TXNDC12: variants seen among roughly 807,000 people sequenced by gnomAD.
The protein encoded by TXNDC12 is thioredoxin domain-containing protein 12.
Under a neutral mutation model 24.2 loss-of-function variants are expected in TXNDC12, and 22 were observed. The ratio of observed to expected loss-of-function variants is 0.91; its 90% CI spans 0.65 to 1.30. TXNDC12 has a LOEUF of 1.30. Among genes scored for constraint, TXNDC12 ranks in the 50% most tolerant of loss-of-function variants. The pLI, the probability that TXNDC12 is intolerant of heterozygous loss-of-function variation, is 0.00. For missense variants in TXNDC12, 184 were observed against 205.8 expected (o/e 0.89, Z 0.65); for synonymous variants, 58 against 73.4 (o/e 0.79, Z 1.07).
At chr1:52,053,230 T>C (rs1686254060) in intron 1 of TXNDC12, among the ~76,000 whole-genome samples, 2 of 151,534 alleles carry the variant, frequency 1.3e-5, no homozygotes, top group African/African-American at 4.9e-5. Context: ...ACCACTCCAC[T>C]CCAGCCTGGC....
intron 4 of TXNDC12, among the ~76,000 whole-genome samples, chr1:52,026,110 T>A (rs898295912): frequency 6.6e-6 from 1 of 152,212 alleles, no homozygotes; most frequent in African/African-American, 2.4e-5. Context: ...ATTACAGGCA[T>A]GAGCCACCAT....
At chr1:52,050,049 T>TGGCAG (rs1351528247) in intron 1 of TXNDC12, among the ~76,000 whole-genome samples, 1 of 152,202 alleles carries the variant, frequency 6.6e-6, no homozygotes, top group Admixed American at 6.5e-5. Flanking sequence ...TGCCACTAAG[T>TGGCAG]GGCAGAGCTG....
At chr1:52,046,866 A>AAT (rs869028968) in intron 1 of TXNDC12, among the ~76,000 whole-genome samples, 37 of 30,166 alleles carry the variant, frequency 1.2e-3, no homozygotes, top group Admixed American at 1.9e-3. Context: ...AAAAAAAAAA[A>AAT]ATATATATAT....
intron 1 of TXNDC12, among the ~76,000 whole-genome samples, chr1:52,045,113 T>A (rs895113578): frequency 6.6e-6 from 1 of 152,086 alleles, no homozygotes; most frequent in Non-Finnish European, 1.5e-5. Context: ...CGAAAAGACA[T>A]TGAAGAACCT....
At chr1:52,037,316 A>C (rs1303483071) in intron 2 of TXNDC12, among the ~76,000 whole-genome samples, 2 of 150,940 alleles carry the variant, frequency 1.3e-5, no homozygotes, top group South Asian at 4.2e-4. Flanking sequence ...AGGTTCAAGC[A>C]ATTCTCCTGC....
intron 2 of TXNDC12, 78 bp downstream of exon 2, chr1:52,041,459 C>T: frequency 1.0e-6 from 1 of 991,170 alleles, no homozygotes; most frequent in East Asian, 2.4e-5. Flanking sequence ...TGGTATAGCC[C>T]TTCACCTGAA....
At chr1:52,026,417 T>C (rs1685672445) in intron 4 of TXNDC12, among the ~76,000 whole-genome samples, 1 of 152,166 alleles carries the variant, frequency 6.6e-6, no homozygotes, top group Admixed American at 6.5e-5. Flanking sequence ...CTATATGAGG[T>C]ATGTAAAAGC....
chr1:52,048,948 G>A (rs768297053), intron 1 of TXNDC12, among the ~76,000 whole-genome samples: 2 of 152,106 alleles, frequency 1.3e-5, no homozygotes. Context: ...AATCACGTAA[G>A]GTTATTACTA....
Position 52,055,064 on chromosome 1 carries a change from AC to A in TXNDC12, c.32del (p.Cys11PhefsTer47). METRPRLGATCLLGFSFLLLV... is the reference protein window; with the variant it reads METRPRLGATXLLGFSFLLLV... ...GGAGCAGGAAACTGAAGCCCAGCAA[AC>A]AGGTGGCCCCGAGACGAGGCCGCGT... is the stretch of plus-strand genomic sequence containing the variant. On this transcript the variant is annotated frameshift_variant, in exon 1 of 7. Transcript: ENST00000371626. LOFTEE classifies it high-confidence loss of function. 1.2e-6 allele frequency: 2 copies of A among 1,614,086 alleles called. No individual in the cohort carries two copies. The highest frequency in any genetic ancestry group is 1.7e-6 in the Non-Finnish European group (2 of 1,179,960).
chr1:52,023,447 G>T, intron 6 of TXNDC12, 44 bp downstream of exon 6: 1 of 1,503,186 alleles, frequency 6.7e-7, no homozygotes. Context: ...GTTCATCCTA[G>T]TTCAATCTAG....
At chr1:52,033,549 A>C (rs755736294) in intron 2 of TXNDC12, 1 of 1,613,874 alleles carries the variant, frequency 6.2e-7, no homozygotes, top group Non-Finnish European at 8.5e-7. Context: ...CGTCGTGGCG[A>C]CTCAGGCGCC....
chr1:52,024,771 T>C, intron 4 of TXNDC12, 192 bp from the exon 5 acceptor site: 1 of 525,302 alleles, frequency 1.9e-6, no homozygotes, highest in Non-Finnish European at 3.4e-6. Context: ...TCAGCTACAC[T>C]GACCTCTTGC....
In TXNDC12 at chr1:52,033,999, A is replaced by T. The variant is rs770432171; in HGVS notation, c.159-5369T>A. 4 of 1,397,876 alleles carry T rather than the reference A, an allele frequency of 2.9e-6. No individual in the cohort carries two copies. The African/African-American group carries it at 5.8e-5, about 20-fold the overall frequency. The allele number at this position is 1,397,876 out of a possible 1,614,324, so 86.6% of individuals were successfully genotyped here. ...TATGCCAAATGTTATAGGCCTCAGG[A>T]GAATGTGATCTTCCTGCAGCGAAAG... On this transcript the variant is annotated intron_variant, in intron 2 of 6. Transcript: ENST00000371626.
upstream of TXNDC12, chr1:52,055,264 CG>C: frequency 5.0e-6 from 3 of 597,056 alleles, no homozygotes; most frequent in South Asian, 3.9e-5. Context: ...GTGGTGCCTC[CG>C]GGGTCCGGTT....
chr1:52,022,564 G>A (rs1685612675), intron 6 of TXNDC12, among the ~76,000 whole-genome samples: 1 of 151,132 alleles, frequency 6.6e-6, no homozygotes, highest in East Asian at 1.9e-4. Flanking sequence ...AGCTTGAAAT[G>A]TCCTCCTCAT....
intron 5 of TXNDC12, 49 bp downstream of exon 5, chr1:52,024,459 TTC>T (rs987759399): frequency 2.8e-6 from 4 of 1,424,338 alleles, no homozygotes; most frequent in Non-Finnish European, 3.9e-6. Context: ...CTTGATTCAT[TTC>T]TCTCTCCATC....
intron 1 of TXNDC12, chr1:52,052,504 C>T (rs1389640987): frequency 1.2e-5 from 2 of 169,632 alleles, no homozygotes; most frequent in African/African-American, 4.8e-5. Flanking sequence ...TCTTGGAATC[C>T]AGCCTCCCAT....
chr1:52,048,474 A>T (rs1310136271), intron 1 of TXNDC12, among the ~76,000 whole-genome samples: 4 of 127,496 alleles, frequency 3.1e-5, no homozygotes, highest in African/African-American at 9.4e-5. Flanking sequence ...TCTTTTCTTT[A>T]AAAAAAAAAA....
intron 6 of TXNDC12, chr1:52,023,195 T>C: frequency 3.4e-6 from 1 of 298,044 alleles, no homozygotes; most frequent in Non-Finnish European, 6.3e-6. Flanking sequence ...AAAAACTAAG[T>C]TCTGGACTCA....
Sources: gnomAD v4.1 joint callset for allele counts (sites outside exome capture counted in the v4.1 genomes callset) on GRCh38, gnomAD v4.1.1 for gene constraint, MANE v1.5 for transcripts, NCBI Gene and HGNC (gene_info 2026-07-23, HGNC 2026-07-21) for gene names.